SNX11: variants seen among roughly 807,000 people sequenced by gnomAD.
SNX11 encodes sorting nexin-11.
SNX11 carries 19 observed loss-of-function variants against 30.7 expected under a neutral mutation model. That is an observed-to-expected ratio of 0.62 (90% CI 0.43 to 0.91). SNX11 has a LOEUF of 0.91. SNX11 is among the 40% of genes least tolerant of loss of function. The pLI is 0.00. For synonymous variants in SNX11, 112 were observed against 119.0 expected (o/e 0.94, Z 0.38); for missense variants, 302 against 326.7 (o/e 0.92, Z 0.58).
rs751419683 is a variant in SNX11, at chr17:48,121,452, G to A, written c.757G>A (p.Gly253Arg). ...TLQSVRRAVG[G>R]DHAVPLDPGQ... Reference sequence around the variant, plus strand: ...TCAGTCTGTGAGGAGGGCTGTGGGAGGAGATCATGCTGTGCCTTTGGACCC... The same window carrying A: ...TCAGTCTGTGAGGAGGGCTGTGGGAAGAGATCATGCTGTGCCTTTGGACCC... Residue 253 changes from glycine (G) to arginine (R), a missense_variant, in exon 7 of 7, where the codon GGA (glycine) becomes AGA (arginine). Gly to Arg is a moderately radical substitution (Grantham distance 125, BLOSUM62 -2). Transcript: ENST00000359238. 6.2e-7 allele frequency: 1 copy of A among 1,614,152 alleles called. No homozygotes were observed. Among genetic ancestry groups the A allele is most frequent in the Admixed American group, 1.7e-5 (1 of 60,014 alleles).
rs371948730 is a variant in SNX11, at chr17:48,121,308, G to T, written c.613G>T (p.Glu205Ter). The change falls in exon 7 of 7, where the codon GAA (glutamate) becomes TAA (stop). Residue 205 changes from glutamate to a stop codon, truncating the protein, a stop_gained. Transcript: ENST00000359238. LOFTEE classifies it low-confidence loss of function (END_TRUNC). ...TCCCAGTGAAGAAAAGGACCATTTA[G>T]AAGTGTGGGCTCCAGTTGTTGACTC... The part of the protein sequence containing the change: ...PPPSEEKDHL[E>*]VWAPVVDSEV... 1 of 1,614,184 alleles carries T rather than the reference G, an allele frequency of 6.2e-7. No individual in the cohort carries two copies. Among genetic ancestry groups the T allele is most frequent in the South Asian group, 1.1e-5 (1 of 91,086 alleles).
rs1598343545 is a variant in SNX11 at position 48,123,230 on chromosome 17, A to G, written c.*1722A>G. Among the ~76,000 whole-genome samples the G allele has an allele frequency of 6.6e-6, 1 of 151,980 alleles. No individual in the cohort carries two copies. Among genetic ancestry groups the G allele is most frequent in the Non-Finnish European group, 1.5e-5 (1 of 67,998 alleles). ...AAAGGGGAAAAAAACTCCATGTGCA[A>G]CCCTCACAAAAACCCGACAGATGCT... On this transcript the variant is annotated 3_prime_UTR_variant, in exon 7 of 7. Transcript: ENST00000359238.
At chr17:48,108,159 T>G (rs779657663) in intron 1 of SNX11, among the ~76,000 whole-genome samples, 1 of 152,164 alleles carries the variant, frequency 6.6e-6, no homozygotes, top group Non-Finnish European at 1.5e-5. Context: ...TCTGGGGACA[T>G]TTACTTAAAT....
rs748096620 is a variant in SNX11, at chr17:48,112,636, T to A, written c.105T>A (p.Tyr35Ter). ...AGAATGAGGGCTCCTGGAACTCTTATGTGGATTATAAGATATTCCTCCATG... is the reference window on the plus strand; with the variant it reads ...AGAATGAGGGCTCCTGGAACTCTTAAGTGGATTATAAGATATTCCTCCATG... Reference protein sequence around the residue: ...RVQNEGSWNSYVDYKIFLHTN... With the variant: ...RVQNEGSWNS Residue 35 changes from tyrosine (Y) to a stop codon, truncating the protein, a stop_gained, in exon 3 of 7, where the codon TAT becomes TAA. Transcript: ENST00000359238. LOFTEE classifies it high-confidence loss of function. 1.2e-6 allele frequency: 2 copies of A among 1,613,332 alleles called. No individual in the cohort carries two copies. Among genetic ancestry groups the A allele is most frequent in the African/African-American group, 2.7e-5 (2 of 75,018 alleles).
In SNX11 at chr17:48,122,482, T is replaced by G. The variant is rs1184562376; in HGVS notation, c.*974T>G. ...AAACAACACGCTCTCCTTCAGACAA[T>G]GAGGCATTCTGTCCTCCTGCTGCCA... On this transcript the variant is annotated 3_prime_UTR_variant, in exon 7 of 7. Transcript: ENST00000359238. 6.5e-6 allele frequency: 1 copy of G among 152,844 alleles called. No individual in the cohort carries two copies. Among genetic ancestry groups the G allele is most frequent in the Non-Finnish European group, 1.5e-5 (1 of 68,100 alleles). The allele number at this position is 152,844 out of a possible 1,614,324, so 9.5% of individuals were successfully genotyped here.
chr17:48,121,463 T>C lies in SNX11; in HGVS notation c.768T>C (p.Ala256=). 6.2e-7 allele frequency: 1 copy of C among 1,614,146 alleles called. No individual in the cohort carries two copies. The highest frequency in any genetic ancestry group is 8.5e-7 in the Non-Finnish European group (1 of 1,180,050). The part of the protein sequence containing the change: ...SVRRAVGGDH[A]VPLDPGQLET... ...GGAGGGCTGTGGGAGGAGATCATGC[T>C]GTGCCTTTGGACCCTGGTCAGTTAG... The change falls in exon 7 of 7, where the codon GCT becomes GCC. Residue 256 remains alanine, a synonymous_variant. Transcript: ENST00000359238.
intron 4 of SNX11, among the ~76,000 whole-genome samples, chr17:48,114,230 C>T (rs1416055152): frequency 3.3e-5 from 5 of 149,556 alleles, no homozygotes; most frequent in South Asian, 2.1e-4. Flanking sequence ...CTCGGCTCAC[C>T]GCAACCTCCA....
intron 1 of SNX11, among the ~76,000 whole-genome samples, chr17:48,108,990 T>C (rs1324703905): frequency 6.6e-6 from 1 of 152,238 alleles, no homozygotes; most frequent in Admixed American, 6.5e-5. Context: ...TGGAGTGCAG[T>C]GGTGTGATCT....
At chr17:48,108,389 C>T (rs1209492987) in intron 1 of SNX11, among the ~76,000 whole-genome samples, 1 of 152,164 alleles carries the variant, frequency 6.6e-6, no homozygotes, top group Non-Finnish European at 1.5e-5. Flanking sequence ...GGAGCGAGAG[C>T]TTTTTGAATT....
At chr17:48,114,185 G>A (rs1208038290) in intron 4 of SNX11, among the ~76,000 whole-genome samples, 1 of 89,858 alleles carries the variant, frequency 1.1e-5, no homozygotes, top group Admixed American at 1.2e-4. Context: ...TTTTTTTTTT[G>A]AGACTGAGTT....
chr17:48,110,039 CGTT>C (rs2063476306), intron 1 of SNX11, among the ~76,000 whole-genome samples: 1 of 151,930 alleles, frequency 6.6e-6, no homozygotes, highest in African/African-American at 2.4e-5. Context: ...TCGTCTTTCC[CGTT>C]GTTAGTTTTG....
Position 48,113,306 on chromosome 17 carries a change from C to T in SNX11, c.135C>T (p.Asn45=), listed in dbSNP as rs778382822. Residue 45 remains asparagine, a synonymous_variant, in exon 4 of 7, where the codon AAC becomes AAT. Coordinates refer to ENST00000359238, the MANE Select transcript of SNX11 (RefSeq NM_013323.3). The part of the protein sequence containing the change: ...YVDYKIFLHT[N]SKAFTAKTSC... ...TCATGTGCTTTCATGTATAGACCAA[C>T]AGCAAAGCCTTTACTGCCAAGACTT... 1.2e-6 allele frequency: 2 copies of T among 1,613,064 alleles called. No homozygotes were observed. Among genetic ancestry groups the T allele is most frequent in the Non-Finnish European group, 1.7e-6 (2 of 1,179,290 alleles).
intron 4 of SNX11, among the ~76,000 whole-genome samples, chr17:48,117,958 C>T (rs1053112137): frequency 4.6e-5 from 7 of 152,034 alleles, no homozygotes; most frequent in African/African-American, 9.7e-5. Flanking sequence ...GAGGCTGCGG[C>T]GAGCTATGCT....
At chr17:48,110,304 C>T (rs1484275090) in intron 1 of SNX11, among the ~76,000 whole-genome samples, 1 of 152,184 alleles carries the variant, frequency 6.6e-6, no homozygotes, top group Non-Finnish European at 1.5e-5. Context: ...ATCAGATTGT[C>T]AGCAAGAATA....
At chr17:48,112,876 A>C in intron 3 of SNX11, 1 of 337,632 alleles carries the variant, frequency 3.0e-6, no homozygotes. Flanking sequence ...GATTACAGGC[A>C]TGTGCCACCA....
intron 4 of SNX11, among the ~76,000 whole-genome samples, chr17:48,115,477 G>T (rs117641028): frequency 0.018 from 2,777 of 152,158 alleles, 37 homozygotes; most frequent in Non-Finnish European, 0.028. Flanking sequence ...TTCTTTATAT[G>T]CATATATGTC....
intron 2 of SNX11, 190 bp downstream of exon 2, chr17:48,112,275 CT>C: frequency 1.5e-6 from 1 of 676,524 alleles, no homozygotes; most frequent in Non-Finnish European, 2.6e-6. Flanking sequence ...GGGTTCCATT[CT>C]GACTAAATTT....
At chr17:48,120,393 A>G (rs10775406) in intron 6 of SNX11, among the ~76,000 whole-genome samples, 104,173 of 150,698 alleles carry the variant, frequency 0.69, 36,633 homozygotes, top group Admixed American at 0.78. Flanking sequence ...TTTTTAGTAG[A>G]GATAGGGTTT....
chr17:48,117,441 G>C (rs1364139932), intron 4 of SNX11, among the ~76,000 whole-genome samples: 1 of 151,810 alleles, frequency 6.6e-6, no homozygotes, highest in Non-Finnish European at 1.5e-5. Flanking sequence ...TTTTTTAGTT[G>C]AGATGGGGTT....
Sources: gnomAD v4.1 joint callset for allele counts (sites outside exome capture counted in the v4.1 genomes callset) on GRCh38, gnomAD v4.1.1 for gene constraint, MANE v1.5 for transcripts, NCBI Gene and HGNC (gene_info 2026-07-23, HGNC 2026-07-21) for gene names.